The following GSAP variants were observed in gnomAD, a reference collection of about 807,000 sequenced individuals.
GSAP encodes the protein gamma-secretase-activating protein.
A neutral mutation model predicts 131.7 loss-of-function variants in GSAP; 118 were observed. The observed-to-expected ratio is 0.90, with a 90% CI of 0.77 to 1.04. GSAP has a LOEUF of 1.04. Among genes scored for constraint, GSAP ranks in the 50% least tolerant of loss-of-function variants. GSAP has a pLI of 0.00. For synonymous variants in GSAP, 381 were observed against 363.4 expected, an observed-to-expected ratio of 1.05 and a Z score of -0.55; for missense variants, 1,019 against 1,013.2, an observed-to-expected ratio of 1.01 and a Z score of -0.08.
intron 3 of GSAP, among the ~76,000 whole-genome samples, chr7:77,403,652 A>T (rs1335688176): frequency 6.6e-6 from 1 of 152,188 alleles, no homozygotes; most frequent in Non-Finnish European, 1.5e-5. Flanking sequence ...GCAGAAGCAG[A>T]AAGAGTCAGA....
At chr7:77,393,039 C>T (rs537793647) in intron 5 of GSAP, among the ~76,000 whole-genome samples, 5 of 151,972 alleles carry the variant, frequency 3.3e-5, no homozygotes, top group African/African-American at 1.2e-4. Flanking sequence ...GCCATCTCTA[C>T]AGCCAAGAAA....
chr7:77,329,634 G>A (rs955120778), intron 20 of GSAP: 4 of 265,776 alleles, frequency 1.5e-5, no homozygotes, highest in East Asian at 6.9e-5. Context: ...TACATGCAGC[G>A]ATACTAGAGA....
At chr7:77,405,107 A>G (rs1802038090) in intron 2 of GSAP, among the ~76,000 whole-genome samples, 1 of 152,246 alleles carries the variant, frequency 6.6e-6, no homozygotes, top group Non-Finnish European at 1.5e-5. Context: ...TAGTAAAGTT[A>G]AATTTTCCTT....
At position 77,406,084 on chromosome 7, in the gene GSAP, T is replaced by C; in HGVS notation, c.131A>G (p.Glu44Gly). ...GGADVLENDY[E>G]SLHVLNVERN... ...TTCAACATTTAATACATGTAAGCTC[T>C]CATAATCGTTTTCTAAAACATCTGA... is the stretch of plus-strand genomic sequence containing the variant. Residue 44 changes from glutamate to glycine, a missense_variant, in exon 2 of 31, where the codon GAG becomes GGG. Coordinates refer to ENST00000257626, the MANE Select transcript of GSAP (RefSeq NM_017439.4). 1 of 1,213,500 alleles carries C rather than the reference T, an allele frequency of 8.2e-7. No individual in the cohort carries two copies. The allele number at this position is 1,213,500 out of a possible 1,614,324, so 75.2% of individuals were successfully genotyped here.
intron 12 of GSAP, among the ~76,000 whole-genome samples, chr7:77,366,214 G>T (rs1795281404): frequency 6.6e-6 from 1 of 151,854 alleles, no homozygotes; most frequent in Non-Finnish European, 1.5e-5. Context: ...AGTTTCTTTT[G>T]CTGTGCAGAA....
In GSAP at chr7:77,389,230, GTGTA is replaced by G. The variant is rs950213754; in HGVS notation, c.368-1786_368-1783del. On this transcript the variant is annotated intron_variant, in intron 5 of 30. Transcript: ENST00000257626. ...TTTTTTGACCTAAAAGTATGCGTGTGTGTATGTATGTGTGTGTGTATATATATAT... is the reference window on the plus strand; with the variant it reads ...TTTTTTGACCTAAAAGTATGCGTGTGTGTATGTGTGTGTGTATATATATAT... Among the ~76,000 whole-genome samples the G allele has an allele frequency of 4.0e-5, 6 of 151,804 alleles. No homozygotes were observed. The South Asian group carries it at 6.2e-4, about 16-fold the overall frequency.
At chr7:77,398,968 GACTTCTGT>G (rs757348776) in intron 3 of GSAP, among the ~76,000 whole-genome samples, 3 of 152,160 alleles carry the variant, frequency 2.0e-5, no homozygotes, top group Non-Finnish European at 4.4e-5. Context: ...GTTTTGGAGA[GACTTCTGT>G]ACCAGTAACA....
intron 1 of GSAP, among the ~76,000 whole-genome samples, 158 bp downstream of exon 1, chr7:77,416,055 A>G (rs1584007880): frequency 6.6e-6 from 1 of 152,318 alleles, no homozygotes; most frequent in East Asian, 1.9e-4. Context: ...TGTGGGTGGC[A>G]AAGCCAAAAC....
intron 18 of GSAP, 53 bp downstream of exon 18, chr7:77,352,891 C>A: frequency 9.6e-7 from 1 of 1,043,668 alleles, no homozygotes. Flanking sequence ...AACAACTGAC[C>A]CACAACTGTG....
chr7:77,322,122 G>A (rs573721034), intron 24 of GSAP, among the ~76,000 whole-genome samples: 34 of 152,358 alleles, frequency 2.2e-4, no homozygotes, highest in African/African-American at 8.2e-4. Context: ...ACGGGGCAAA[G>A]CAGAAGGATC....
At chr7:77,360,712 C>G in intron 14 of GSAP, 112 bp downstream of exon 14, 5 of 628,408 alleles carry the variant, frequency 8.0e-6, no homozygotes, top group East Asian at 5.4e-5. Flanking sequence ...TGATTGTCAT[C>G]ACAATCCGAG....
At chr7:77,328,969 T>C (rs961749549) in intron 21 of GSAP, among the ~76,000 whole-genome samples, 1 of 151,376 alleles carries the variant, frequency 6.6e-6, no homozygotes, top group African/African-American at 2.4e-5. Flanking sequence ...ATCCAGAAAA[T>C]AGGCTTTCAA....
At chr7:77,380,467 A>G (rs966078176) in intron 8 of GSAP, among the ~76,000 whole-genome samples, 1 of 152,226 alleles carries the variant, frequency 6.6e-6, no homozygotes, top group Non-Finnish European at 1.5e-5. Flanking sequence ...AAGATGATTT[A>G]TAATTCAAAA....
rs2037753 is a variant in GSAP at position 77,355,255 on chromosome 7, G to A, written c.1296C>T (p.Cys432=). The change falls in exon 16 of 31, where the codon TGC becomes TGT. Residue 432 remains cysteine, a synonymous_variant. Transcript: ENST00000257626. ...LDCEKMAALH[C]ALYCGQGAQF... Reference sequence around the variant, plus strand: ...GCGCACCTTGACCGCAGTAGAGCGCGCAGTGCAACGCAGCCATCTTCTCAC... The same window carrying A: ...GCGCACCTTGACCGCAGTAGAGCGCACAGTGCAACGCAGCCATCTTCTCAC... The A allele has an allele frequency of 0.35, 569,676 of 1,613,012 alleles. 109,811 individuals are homozygous for A. Among genetic ancestry groups the A allele is most frequent in the African/African-American group, 0.76 (56,764 of 74,960 alleles).
At chr7:77,358,443 G>A (rs976370222) in intron 14 of GSAP, among the ~76,000 whole-genome samples, 1 of 152,146 alleles carries the variant, frequency 6.6e-6, no homozygotes, top group African/African-American at 2.4e-5. Flanking sequence ...ATCTTATATG[G>A]AGAAGAAAAG....
chr7:77,382,675 C>T (rs1388762801), intron 6 of GSAP, 32 bp from the exon 7 acceptor site: 2 of 1,181,404 alleles, frequency 1.7e-6, no homozygotes, highest in African/African-American at 1.5e-5. Context: ...TAATTGTAAG[C>T]AACTATCTTG....
chr7:77,381,495 G>A, intron 7 of GSAP, 141 bp from the exon 8 acceptor site: 1 of 483,036 alleles, frequency 2.1e-6, no homozygotes, highest in Non-Finnish European at 3.6e-6. Flanking sequence ...ATCACAAACT[G>A]TAATCTCACA....
rs761234998 is a variant in GSAP at position 77,329,362 on chromosome 7, G to A, written c.1704C>T (p.Tyr568=). ...CTGCATTATCAAGAATATTCCTCAC[G>A]TATGCCGCAGACCTTCTTTTTCCTG... ...EKTGKRRSAA[Y]VRNILDNAVK... is the part of the protein sequence containing the mutation. The change falls in exon 21 of 31, where the codon TAC becomes TAT. Residue 568 remains tyrosine, a synonymous_variant. Coordinates refer to ENST00000257626, the MANE Select transcript of GSAP (RefSeq NM_017439.4). 9 of 1,584,486 alleles carry A rather than the reference G, an allele frequency of 5.7e-6. No homozygotes were observed. The highest frequency in any genetic ancestry group is 3.5e-5 in the Admixed American group (2 of 56,740).
intron 22 of GSAP, 56 bp downstream of exon 22, chr7:77,328,550 C>G: frequency 6.3e-7 from 1 of 1,590,758 alleles, no homozygotes; most frequent in Non-Finnish European, 8.5e-7. Context: ...AAGAACAGTG[C>G]TACAAACAAA....
Sources: allele counts gnomAD v4.1 joint callset (sites outside exome capture counted in the v4.1 genomes callset), GRCh38; gene constraint gnomAD v4.1.1; transcripts MANE v1.5; gene names NCBI Gene and HGNC (gene_info 2026-07-23, HGNC 2026-07-21).